The following AK9 variants were observed in gnomAD, a reference collection of about 807,000 sequenced individuals.
AK9 encodes the protein adenylate kinase 9.
AK9 carries 191 observed loss-of-function variants against 239.6 expected under a neutral mutation model. The ratio of observed to expected loss-of-function variants is 0.80; its 90% CI spans 0.71 to 0.90. The LOEUF (loss-of-function observed/expected upper bound fraction) is 0.90. AK9 is among the 40% of genes least tolerant of loss of function. The pLI is 0.00. For missense variants in AK9, 1,995 were observed against 2,214.7 expected, an observed-to-expected ratio of 0.90 and a Z score of 1.99; for synonymous variants, 689 against 721.0, an observed-to-expected ratio of 0.96 and a Z score of 0.71.
chr6:109,566,840 A>T (rs956115356), intron 21 of AK9, among the ~76,000 whole-genome samples: 4 of 152,194 alleles, frequency 2.6e-5, no homozygotes, highest in Admixed American at 2.6e-4. Context: ...CTGGGTACAT[A>T]ACGAAATGAA....
At chr6:109,602,166 C>A (rs1159970396) in intron 17 of AK9, among the ~76,000 whole-genome samples, 1 of 152,142 alleles carries the variant, frequency 6.6e-6, no homozygotes, top group African/African-American at 2.4e-5. Context: ...TTCTTCCTAG[C>A]ATCAGTGGTC....
chr6:109,652,493 A>C (rs1362920690), intron 8 of AK9, among the ~76,000 whole-genome samples: 3 of 152,102 alleles, frequency 2.0e-5, no homozygotes, highest in African/African-American at 7.2e-5. Flanking sequence ...ATTATAACTA[A>C]ACTTCCCCTA....
chr6:109,504,235 G>A (rs193219641), intron 35 of AK9, among the ~76,000 whole-genome samples: 1 of 151,620 alleles, frequency 6.6e-6, no homozygotes, highest in Non-Finnish European at 1.5e-5. Flanking sequence ...ATGGTGGCAT[G>A]CATCTGTAGT....
chr6:109,641,559 GT>G lies in AK9; in HGVS notation c.891del (p.Lys297AsnfsTer45). Reference sequence around the variant, plus strand: ...TTAATTTCTTCCTCTGCACCCTGAAGTTTGGTTAGAATAGCTGCTCTTTTTA... The same window carrying G: ...TTAATTTCTTCCTCTGCACCCTGAAGTTGGTTAGAATAGCTGCTCTTTTTA... ...LNLKRAAILT[K>X]LQGAEEEIND... On this transcript the variant is annotated frameshift_variant, in exon 10 of 41. Transcript: ENST00000424296. LOFTEE classifies it high-confidence loss of function. 6.2e-7 allele frequency: 1 copy of G among 1,613,644 alleles called. No homozygotes were observed.
chr6:109,495,582 T>C, intron 38 of AK9, 142 bp from the exon 39 acceptor site: 2 of 520,558 alleles, frequency 3.8e-6, no homozygotes, highest in Non-Finnish European at 6.4e-6. Context: ...ATGCTGGGGC[T>C]CCTGGAAGTG....
intron 9 of AK9, among the ~76,000 whole-genome samples, 187 bp from the exon 10 acceptor site, chr6:109,641,803 C>T (rs953429200): frequency 2.0e-5 from 3 of 152,184 alleles, no homozygotes; most frequent in African/African-American, 7.2e-5. Context: ...TCACTCCAAT[C>T]TCTGCCTCTG....
At chr6:109,598,413 T>A (rs1791378959) in intron 17 of AK9, among the ~76,000 whole-genome samples, 1 of 152,248 alleles carries the variant, frequency 6.6e-6, no homozygotes. Context: ...TCATCATTTT[T>A]TATGGCTGCA....
In AK9 at chr6:109,586,012, C is replaced by T. The variant is rs1789463227; in HGVS notation, c.1903G>A (p.Asp635Asn). Residue 635 changes from aspartate (D) to asparagine (N), a missense_variant, in exon 18 of 41, where the codon GAC (aspartate) becomes AAC (asparagine). This residue lies in a region of AK9 where 1,290 missense variants were observed against 1,392.7 expected (regional missense o/e 0.93). Coordinates refer to ENST00000424296, the MANE Select transcript of AK9 (RefSeq NM_001145128.3). The part of the protein sequence containing the change: ...GAPKYGGWIV[D>N]NCPIVKELWM... ...AATTCTTTTACAATAGGGCAGTTGT[C>T]CACAATCCAGCCTCCATATTTTGGG... is the stretch of plus-strand genomic sequence containing the variant. 1.3e-6 allele frequency: 2 copies of T among 1,551,274 alleles called. No homozygotes were observed. Among genetic ancestry groups the T allele is most frequent in the South Asian group, 2.4e-5 (2 of 84,004 alleles).
At chr6:109,595,065 A>G (rs1164280818) in intron 17 of AK9, among the ~76,000 whole-genome samples, 1 of 152,250 alleles carries the variant, frequency 6.6e-6, no homozygotes, top group Non-Finnish European at 1.5e-5. Flanking sequence ...CATCAGAGTT[A>G]ACAGGCAACC....
At chr6:109,571,921 T>C (rs4946990) in intron 21 of AK9, among the ~76,000 whole-genome samples, 31,587 of 152,148 alleles carry the variant, frequency 0.21, 3,467 homozygotes, top group South Asian at 0.34. Context: ...ACTGTTAGTA[T>C]GTATAAGAAT....
intron 17 of AK9, among the ~76,000 whole-genome samples, chr6:109,592,182 A>C (rs1467460184): frequency 6.6e-6 from 1 of 151,902 alleles, no homozygotes; most frequent in Non-Finnish European, 1.5e-5. Context: ...TGGAAATACC[A>C]CTACTAAAAA....
At chr6:109,495,247 A>T in intron 39 of AK9, 91 bp downstream of exon 39, 1 of 1,086,488 alleles carries the variant, frequency 9.2e-7, no homozygotes, top group Non-Finnish European at 1.3e-6. Context: ...TCTGCCTTGA[A>T]TTTTATTGTT....
chr6:109,497,789 G>A lies in AK9; in HGVS notation c.5216+7C>T. 6.2e-7 allele frequency: 1 copy of A among 1,610,136 alleles called. No homozygotes were observed. The highest frequency in any genetic ancestry group is 8.5e-7 in the Non-Finnish European group (1 of 1,176,722). On this transcript the variant is annotated splice_region_variant and intron_variant, in intron 37 of 40. Transcript: ENST00000424296. ...CATTCTATACTTCCATGAAGGCCAG[G>A]ACTTGCCTTTGGTTTCCATCCTTAT...
rs1800147598 is a variant in AK9, at chr6:109,659,511, A to T, written c.445-98T>A. 11 of 1,384,894 alleles carry T rather than the reference A, an allele frequency of 7.9e-6. No homozygotes were observed. The East Asian group carries it at 2.8e-4, about 36-fold the overall frequency. 85.8% of individuals were successfully genotyped at this position (1,384,894 alleles called of 1,614,324 possible). A position where few individuals can be genotyped will look rare whatever the true frequency, so the allele number is the denominator to read the frequency against. On this transcript the variant is annotated intron_variant, in intron 6 of 40. Transcript: ENST00000424296. The stretch of plus-strand genomic sequence containing the variant: ...ATATTGTACAGTACATAAACCAAAA[A>T]ATTCCTTTAAAACCTGAGCAAATGC...
chr6:109,551,647 C>T (rs576739085), intron 24 of AK9, among the ~76,000 whole-genome samples: 6 of 152,084 alleles, frequency 3.9e-5, no homozygotes, highest in Admixed American at 1.3e-4. Flanking sequence ...ATAAAGCCTC[C>T]CCCACCTATT....
intron 17 of AK9, among the ~76,000 whole-genome samples, chr6:109,599,534 C>G (rs565449980): frequency 1.3e-5 from 2 of 152,146 alleles, no homozygotes. Context: ...GCTCCTTTGG[C>G]TTAGGATTGA....
intron 8 of AK9, among the ~76,000 whole-genome samples, chr6:109,647,142 T>C (rs1798174297): frequency 6.6e-6 from 1 of 151,998 alleles, no homozygotes; most frequent in African/African-American, 2.4e-5. Flanking sequence ...ACATGCCAAG[T>C]TGTAAAGAGC....
intron 24 of AK9, among the ~76,000 whole-genome samples, chr6:109,554,799 T>A (rs181939083): frequency 2.5e-4 from 38 of 152,322 alleles, no homozygotes; most frequent in Admixed American, 2.0e-3. Flanking sequence ...TCCAAAGTGC[T>A]GGGAGTGCAG....
chr6:109,493,867 C>T (rs188831367), intron 40 of AK9, 114 bp downstream of exon 40: 16 of 778,470 alleles, frequency 2.1e-5, no homozygotes, highest in Non-Finnish European at 2.9e-5. Flanking sequence ...GCTACTAACA[C>T]TCTCTCTTTC....
Sources: allele counts gnomAD v4.1 joint callset (sites outside exome capture counted in the v4.1 genomes callset), GRCh38; gene constraint gnomAD v4.1.1; regional missense constraint gnomAD v4.1.1; transcripts MANE v1.5; gene names NCBI Gene and HGNC (gene_info 2026-07-23, HGNC 2026-07-21).